Variants in ST6GALNAC3 observed in about 807,000 individuals in gnomAD.
ST6GALNAC3 encodes alpha-N-acetylgalactosaminide alpha-2,6-sialyltransferase 3.
A neutral mutation model predicts 32.7 loss-of-function variants in ST6GALNAC3; 25 were observed. The observed-to-expected ratio is 0.76, with a 90% CI of 0.56 to 1.07. The LOEUF (loss-of-function observed/expected upper bound fraction) is 1.07, where lower values mean the gene tolerates loss of function less well. Among genes scored for constraint, ST6GALNAC3 ranks in the 50% least tolerant of loss-of-function variants. The probability of loss-of-function intolerance (pLI) is 0.00; values close to 1 mark genes in which losing one functional copy is unlikely to be tolerated. For missense variants in ST6GALNAC3, 355 were observed against 382.4 expected (o/e 0.93, Z 0.60); for synonymous variants, 129 against 133.1 (o/e 0.97, Z 0.21).
At chr1:76,480,083 A>G (rs1659624047) in intron 3 of ST6GALNAC3, among the ~76,000 whole-genome samples, 2 of 152,220 alleles carry the variant, frequency 1.3e-5, no homozygotes, top group Admixed American at 1.3e-4. Flanking sequence ...AATGGAAATA[A>G]TAGAGAAAGA....
intron 1 of ST6GALNAC3, among the ~76,000 whole-genome samples, chr1:76,123,071 A>G (rs971208217): frequency 5.3e-5 from 8 of 152,114 alleles, no homozygotes; most frequent in African/African-American, 1.9e-4. Context: ...CTGCACATTA[A>G]TGTTTAAGAA....
intron 3 of ST6GALNAC3, among the ~76,000 whole-genome samples, chr1:76,566,952 T>C (rs1328753005): frequency 1.3e-5 from 2 of 152,168 alleles, no homozygotes; most frequent in African/African-American, 4.8e-5. Flanking sequence ...GTGATTCACT[T>C]TGTCCCAGTG....
chr1:76,405,431 C>G (rs964775109), intron 2 of ST6GALNAC3, among the ~76,000 whole-genome samples: 1 of 152,074 alleles, frequency 6.6e-6, no homozygotes, highest in Non-Finnish European at 1.5e-5. Context: ...ATGTAAAGTG[C>G]TTGGCACTTG....
intron 1 of ST6GALNAC3, among the ~76,000 whole-genome samples, chr1:76,294,446 A>C (rs927156265): frequency 1.3e-5 from 2 of 152,136 alleles, no homozygotes; most frequent in African/African-American, 4.8e-5. Context: ...ACTGCAGTCC[A>C]AAGAGGACTA....
At chr1:76,113,530 T>G (rs1279882762) in intron 1 of ST6GALNAC3, among the ~76,000 whole-genome samples, 4 of 149,204 alleles carry the variant, frequency 2.7e-5, no homozygotes, top group Non-Finnish European at 5.9e-5. Flanking sequence ...GTTTTTCTGT[T>G]TTTTTTTTTC....
At chr1:76,277,568 A>ATG (rs1659227143) in intron 1 of ST6GALNAC3, among the ~76,000 whole-genome samples, 1 of 51,650 alleles carries the variant, frequency 1.9e-5, no homozygotes, top group Non-Finnish European at 3.6e-5. Context: ...ATATATATAT[A>ATG]CACACACACA....
intron 1 of ST6GALNAC3, among the ~76,000 whole-genome samples, chr1:76,211,478 C>T (rs890979525): frequency 7.9e-5 from 12 of 152,162 alleles, no homozygotes; most frequent in Admixed American, 2.6e-4. Context: ...TATAAAGACA[C>T]GTGCACATGT....
intron 3 of ST6GALNAC3, among the ~76,000 whole-genome samples, chr1:76,613,472 G>A (rs1648074081): frequency 6.6e-6 from 1 of 152,216 alleles, no homozygotes; most frequent in African/African-American, 2.4e-5. Context: ...AGAAAAAGGA[G>A]TTTAAGACCC....
intron 1 of ST6GALNAC3, among the ~76,000 whole-genome samples, chr1:76,151,003 A>G (rs1170043035): frequency 6.6e-6 from 1 of 152,182 alleles, no homozygotes; most frequent in Non-Finnish European, 1.5e-5. Flanking sequence ...TGGGCCCCAG[A>G]TCATCAGCCA....
At chr1:76,439,781 G>A (rs1656412770) in intron 3 of ST6GALNAC3, among the ~76,000 whole-genome samples, 1 of 152,166 alleles carries the variant, frequency 6.6e-6, no homozygotes, top group Non-Finnish European at 1.5e-5. Context: ...ACACCAGACT[G>A]AACAAGTAGC....
intron 1 of ST6GALNAC3, 162 bp downstream of exon 1, chr1:76,075,046 T>A: frequency 1.1e-6 from 1 of 904,894 alleles, no homozygotes; most frequent in Non-Finnish European, 1.7e-6. Context: ...AGGGAGATTC[T>A]GAAACATGCA....
chr1:76,160,062 A>G (rs425110), intron 1 of ST6GALNAC3, among the ~76,000 whole-genome samples: 21,303 of 152,106 alleles, frequency 0.14, 1,735 homozygotes, highest in Non-Finnish European at 0.19. Flanking sequence ...CTTGCAGAGA[A>G]GGTATTTTCT....
chr1:76,090,677 A>G (rs1449835175), intron 1 of ST6GALNAC3, among the ~76,000 whole-genome samples: 3 of 152,150 alleles, frequency 2.0e-5, no homozygotes, highest in Non-Finnish European at 4.4e-5. Context: ...TCAGCCTCTT[A>G]TTATTTTCTA....
intron 3 of ST6GALNAC3, among the ~76,000 whole-genome samples, chr1:76,501,330 A>G (rs1354003307): frequency 1.3e-5 from 2 of 152,188 alleles, no homozygotes; most frequent in South Asian, 2.1e-4. Context: ...GTAATTTGTA[A>G]ATCCTGAAAT....
chr1:76,591,496 T>C (rs976573725), intron 3 of ST6GALNAC3, among the ~76,000 whole-genome samples: 2 of 152,154 alleles, frequency 1.3e-5, no homozygotes, highest in African/African-American at 4.8e-5. Flanking sequence ...ATCCTGGACA[T>C]ACATCATGGG....
chr1:76,348,994 G>T, intron 2 of ST6GALNAC3, among the ~76,000 whole-genome samples: 1 of 152,086 alleles, frequency 6.6e-6, no homozygotes. Flanking sequence ...AATGTACATA[G>T]TAAAGAATCT....
At chr1:76,374,987 G>A (rs1651108931) in intron 2 of ST6GALNAC3, among the ~76,000 whole-genome samples, 1 of 152,082 alleles carries the variant, frequency 6.6e-6, no homozygotes, top group African/African-American at 2.4e-5. Flanking sequence ...CAGTCATTGA[G>A]CTATACCTGC....
rs576774442 is a variant in ST6GALNAC3, at chr1:76,140,116, CTGCAGAAGTGGA to C, written c.18+65236_18+65247del. Among the ~76,000 whole-genome samples, 34 of 152,282 alleles carry C rather than the reference CTGCAGAAGTGGA, an allele frequency of 2.2e-4. No homozygotes were observed. In the East Asian group the frequency reaches 6.2e-3, roughly 28 times the overall value. ...AATTGGCCTAATTTTGGTTTTCTGA[CTGCAGAAGTGGA>C]TGCTTCCTCTGCCTGTCTCTACTCT... On this transcript the variant is annotated intron_variant, in intron 1 of 4. Transcript: ENST00000328299.
At chr1:76,525,373 T>C (rs543425470) in intron 3 of ST6GALNAC3, among the ~76,000 whole-genome samples, 1 of 152,232 alleles carries the variant, frequency 6.6e-6, no homozygotes, top group African/African-American at 2.4e-5. Flanking sequence ...CTCTGGCTTT[T>C]TGCAATTCAA....
Sources: allele counts gnomAD v4.1 joint callset (sites outside exome capture counted in the v4.1 genomes callset), GRCh38; gene constraint gnomAD v4.1.1; transcripts MANE v1.5; gene names NCBI Gene and HGNC (gene_info 2026-07-23, HGNC 2026-07-21).